Variants in MFSD12 observed in about 807,000 individuals in gnomAD.
The protein encoded by MFSD12 is major facilitator superfamily domain containing 12.
In MFSD12, 67 loss-of-function variants were observed where a neutral mutation model predicts 51.2. The observed-to-expected ratio is 1.31, with a 90% CI of 1.08 to 1.60. The LOEUF is 1.60. Among genes scored for constraint, MFSD12 ranks in the 40% most tolerant of loss-of-function variants. MFSD12 has a pLI of 0.00. For missense variants in MFSD12, 921 were observed against 673.0 expected (o/e 1.37, Z -4.08); for synonymous variants, 441 against 316.7 (o/e 1.39, Z -4.17).
downstream of MFSD12, chr19:3,542,260 G>C (rs115675336): frequency 1.0e-3 from 1,022 of 985,376 alleles, 11 homozygotes; most frequent in African/African-American, 0.017. Context: ...TAACTGACCA[G>C]GCTACTCCCA....
downstream of MFSD12, chr19:3,542,083 T>A: frequency 1.0e-6 from 1 of 979,600 alleles, no homozygotes; most frequent in South Asian, 4.7e-5. Flanking sequence ...GTGCTGGGAT[T>A]ACAGGCATGA....
At chr19:3,556,957 G>A (rs969967949) in intron 1 of MFSD12, 149 bp downstream of exon 1, 2 of 758,286 alleles carry the variant, frequency 2.6e-6, no homozygotes, top group African/African-American at 3.8e-5. Flanking sequence ...AGACAGTGCA[G>A]GGAAGCTCGG....
chr19:3,543,956 C>T (rs200020809), downstream of MFSD12: 1 of 1,550,858 alleles, frequency 6.4e-7, no homozygotes, highest in Admixed American at 2.0e-5. Flanking sequence ...TGGAACCATA[C>T]TGCCCCTCCA....
Position 3,547,442 on chromosome 19 carries a change from C to T in MFSD12, c.930+13G>A. ...GCCGTCCCATCCCAGCGTCCCCGCC[C>T]CAATCTGCTCACCTTGGGCAGGTGG... On this transcript the variant is annotated intron_variant, in intron 5 of 9. Coordinates refer to ENST00000355415, the MANE Select transcript of MFSD12 (RefSeq NM_174983.5). 6.2e-7 allele frequency: 1 copy of T among 1,612,768 alleles called. No individual in the cohort carries two copies.
chr19:3,556,667 G>T (rs1477063945), intron 1 of MFSD12, among the ~76,000 whole-genome samples: 4 of 150,184 alleles, frequency 2.7e-5, no homozygotes, highest in African/African-American at 9.8e-5. Flanking sequence ...GCTCAGGAGT[G>T]ACACCACAGA....
At chr19:3,550,916 A>C in intron 2 of MFSD12, 68 bp downstream of exon 2, 1 of 1,330,076 alleles carries the variant, frequency 7.5e-7, no homozygotes, top group South Asian at 1.2e-5. Flanking sequence ...CTCATTATGC[A>C]GTGCCACTGA....
rs1364802031 is a variant in MFSD12, at chr19:3,544,850, C to G, written c.1379G>C (p.Cys460Ser). Residue 460 changes from cysteine (C) to serine (S), a missense_variant, in exon 9 of 10, where the codon TGT (cysteine) becomes TCT (serine). Coordinates refer to ENST00000355415, the MANE Select transcript of MFSD12 (RefSeq NM_174983.5). The stretch of plus-strand genomic sequence containing the variant: ...CGGCCACAGCAGGAGGCTACAGAGA[C>G]ACAGGGCAGCGGCCACGCCCACGCC... ...TGGVGVAAAL[C>S]LCSLLLWPTR... 3.1e-6 allele frequency: 5 copies of G among 1,612,150 alleles called. No homozygotes were observed. Among genetic ancestry groups the G allele is most frequent in the South Asian group, 2.2e-5 (2 of 91,060 alleles).
intron 1 of MFSD12, among the ~76,000 whole-genome samples, chr19:3,553,934 T>A (rs950246280): frequency 6.7e-6 from 1 of 149,928 alleles, no homozygotes; most frequent in Non-Finnish European, 1.5e-5. Context: ...ATACAAAAAT[T>A]AGCCGGGCAT....
intron 1 of MFSD12, among the ~76,000 whole-genome samples, chr19:3,553,693 C>G (rs1325757625): frequency 4.5e-5 from 5 of 112,178 alleles, no homozygotes; most frequent in Non-Finnish European, 8.3e-5. Flanking sequence ...TGGTGTGAAT[C>G]CGGGAGGCAG....
At position 3,548,011 on chromosome 19, in the gene MFSD12, A is replaced by G; in HGVS notation, c.674T>C (p.Val225Ala). ...CAGTGAGAACACGGCGCCGACACCC[A>G]CCACCAGCAGGGACAGGTTCTGGGG... ...PVFRNLSLLVVGVGAVFSLLF... is the reference protein window; with the variant it reads ...PVFRNLSLLVAGVGAVFSLLF... The change falls in exon 4 of 10, where the codon GTG (valine) becomes GCG (alanine). Residue 225 changes from valine (V) to alanine (A), a missense_variant. Transcript: ENST00000355415. The G allele has an allele frequency of 6.3e-7, 1 of 1,598,974 alleles. No homozygotes were observed. Among genetic ancestry groups the G allele is most frequent in the Non-Finnish European group, 8.5e-7 (1 of 1,179,326 alleles).
chr19:3,553,952 C>A (rs190447217), intron 1 of MFSD12, among the ~76,000 whole-genome samples: 23 of 147,958 alleles, frequency 1.6e-4, no homozygotes, highest in African/African-American at 5.5e-4. Flanking sequence ...CATGGTGGCA[C>A]GAGCCTGTAG....
chr19:3,545,826 G>T (rs2030967539), intron 8 of MFSD12, among the ~76,000 whole-genome samples: 1 of 152,160 alleles, frequency 6.6e-6, no homozygotes, highest in Admixed American at 6.5e-5. Context: ...CTTCCAGCTG[G>T]GCCCACCCCC....
rs1466612232 is a variant in MFSD12, at chr19:3,546,245, C to G, written c.1194+10G>C. 2.5e-6 allele frequency: 4 copies of G among 1,607,458 alleles called. No homozygotes were observed. The highest frequency in any genetic ancestry group is 3.4e-5 in the Admixed American group (2 of 59,532). On this transcript the variant is annotated intron_variant, in intron 7 of 9. Coordinates refer to ENST00000355415, the MANE Select transcript of MFSD12 (RefSeq NM_174983.5). ...GGCCTCCCCCACCCCAGCCTGGCTACCAGCCCTACCGTGTGGGGACCGATG... is the reference window on the plus strand; with the variant it reads ...GGCCTCCCCCACCCCAGCCTGGCTAGCAGCCCTACCGTGTGGGGACCGATG...
chr19:3,547,588 G>A, intron 4 of MFSD12, 41 bp from the exon 5 acceptor site: 1 of 1,548,472 alleles, frequency 6.5e-7, no homozygotes, highest in Non-Finnish European at 8.8e-7. Context: ...GGGTCAGGAG[G>A]GCCTTCTCCA....
downstream of MFSD12, chr19:3,539,503 G>A: frequency 1.9e-6 from 1 of 517,700 alleles, no homozygotes; most frequent in Non-Finnish European, 3.5e-6. Flanking sequence ...TCCAAGGACT[G>A]CAAACGCACT....
At chr19:3,548,399 G>T in intron 2 of MFSD12, 132 bp from the exon 3 acceptor site, 2 of 1,253,332 alleles carry the variant, frequency 1.6e-6, no homozygotes, top group Non-Finnish European at 2.2e-6. Context: ...GCCACACTGG[G>T]TGGCCTCCAG....
At chr19:3,547,223 A>C (rs1347230650) in intron 6 of MFSD12, 49 bp downstream of exon 6, 1 of 1,516,362 alleles carries the variant, frequency 6.6e-7, no homozygotes, top group Non-Finnish European at 9.2e-7. Context: ...TCTCGGCTGC[A>C]GGGCACCCCA....
At chr19:3,539,513 T>C (rs1025782392), downstream of MFSD12, 4 of 503,026 alleles carry the variant, frequency 8.0e-6, no homozygotes, top group African/African-American at 7.6e-5. Context: ...GCAAACGCAC[T>C]GGGAGCTTCG....
At chr19:3,552,137 G>C (rs1057129036) in intron 1 of MFSD12, among the ~76,000 whole-genome samples, 5 of 152,134 alleles carry the variant, frequency 3.3e-5, no homozygotes, top group Admixed American at 6.5e-5. Flanking sequence ...GGCCTGGGGA[G>C]ACCCAGCATG....
Sources: allele counts gnomAD v4.1 joint callset (sites outside exome capture counted in the v4.1 genomes callset), GRCh38; gene constraint gnomAD v4.1.1; transcripts MANE v1.5; gene names NCBI Gene and HGNC (gene_info 2026-07-23, HGNC 2026-07-21).